MROH9: variants seen among roughly 807,000 people sequenced by gnomAD.
The protein encoded by MROH9 is maestro heat-like repeat-containing protein family member 9.
A neutral mutation model predicts 98.2 loss-of-function variants in MROH9; 92 were observed. That is an observed-to-expected ratio of 0.94 (90% CI 0.79 to 1.11). The LOEUF is 1.11. MROH9 is among the 50% of genes most tolerant of loss of function. MROH9 has a pLI of 0.00. For missense variants in MROH9, 1,057 were observed against 1,014.8 expected (o/e 1.04, Z -0.57); for synonymous variants, 397 against 368.9 (o/e 1.08, Z -0.87).
intron 20 of MROH9, among the ~76,000 whole-genome samples, chr1:171,047,853 G>A (rs922184816): frequency 1.3e-5 from 2 of 152,120 alleles, no homozygotes; most frequent in East Asian, 1.9e-4. Context: ...AACCTAAGTT[G>A]TATCTACTTT....
chr1:170,978,625 T>G (rs897209555), intron 8 of MROH9, among the ~76,000 whole-genome samples: 1 of 152,146 alleles, frequency 6.6e-6, no homozygotes, highest in Admixed American at 6.5e-5. Context: ...ACTACTGCAA[T>G]TGCAGTCGCG....
chr1:170,997,741 C>A (rs188926628), intron 14 of MROH9, among the ~76,000 whole-genome samples: 1 of 152,118 alleles, frequency 6.6e-6, no homozygotes, highest in African/African-American at 2.4e-5. Context: ...TAATCCAGGG[C>A]GGTCCCAAAC....
chr1:171,049,402 A>G (rs1653581959), intron 20 of MROH9, among the ~76,000 whole-genome samples: 1 of 152,162 alleles, frequency 6.6e-6, no homozygotes, highest in African/African-American at 2.4e-5. Flanking sequence ...GTGAGGGAGA[A>G]CACAGCAGTT....
intron 15 of MROH9, among the ~76,000 whole-genome samples, chr1:171,001,870 C>T (rs1338141464): frequency 6.6e-6 from 1 of 151,972 alleles, no homozygotes; most frequent in Non-Finnish European, 1.5e-5. Context: ...GTGTTGCTGT[C>T]TATCTCATAT....
chr1:170,963,919 C>A (rs11484830), intron 6 of MROH9, among the ~76,000 whole-genome samples: 13,372 of 152,020 alleles, frequency 0.088, 1,861 homozygotes, highest in African/African-American at 0.3. Context: ...TATATAAAAA[C>A]CTGCACATGT....
At chr1:171,003,051 C>T (rs1651835173) in intron 15 of MROH9, among the ~76,000 whole-genome samples, 1 of 151,990 alleles carries the variant, frequency 6.6e-6, no homozygotes, top group South Asian at 2.1e-4. Context: ...CTGAGACTTT[C>T]CAGAGCATTT....
chr1:171,020,777 G>A (rs1652490614), intron 17 of MROH9, among the ~76,000 whole-genome samples: 1 of 152,070 alleles, frequency 6.6e-6, no homozygotes, highest in Admixed American at 6.6e-5. Flanking sequence ...AATCAGGCAA[G>A]GGAAAAAAGT....
intron 10 of MROH9, among the ~76,000 whole-genome samples, chr1:170,988,652 C>T (rs1651238774): frequency 6.6e-6 from 1 of 152,202 alleles, no homozygotes; most frequent in Non-Finnish European, 1.5e-5. Flanking sequence ...ACAGTGGATT[C>T]TTGTCTTAGA....
At chr1:170,977,235 G>T (rs1372669444) in intron 8 of MROH9, among the ~76,000 whole-genome samples, 1 of 152,026 alleles carries the variant, frequency 6.6e-6, no homozygotes, top group Admixed American at 6.6e-5. Context: ...TTATATTTCT[G>T]TCATTTCAGT....
Position 171,024,488 on chromosome 1 carries a change from C to G in MROH9, c.2002C>G (p.Leu668Val), listed in dbSNP as rs373208020. ...QYTWMVNDVV[L>V]EGLVPLILFL... is the part of the protein sequence containing the mutation. ...CACATGGATGGTGAATGATGTGGTT[C>G]TAGAAGGCTTGGTGCCCCTAATCCT... The change falls in exon 18 of 22, where the codon CTA becomes GTA. Residue 668 changes from leucine to valine, a missense_variant. By Grantham distance (32) the Leu-to-Val change is conservative. Transcript: ENST00000367759. The G allele has an allele frequency of 6.5e-6, 10 of 1,548,382 alleles. No homozygotes were observed. Among genetic ancestry groups the G allele is most frequent in the Non-Finnish European group, 8.7e-6 (10 of 1,145,964 alleles).
In MROH9 at chr1:170,990,005, T is replaced by A; in HGVS notation, c.1028+2T>A. The A allele has an allele frequency of 6.2e-7, 1 of 1,609,156 alleles. No homozygotes were observed. The highest frequency in any genetic ancestry group is 8.5e-7 in the Non-Finnish European group (1 of 1,176,706). ...GGACTACCCAGTTCCAGCAGACGAG[T>A]AAGGCCCCCCAACCCTCTGTCCCTT... On this transcript the variant is annotated splice_donor_variant, in intron 11 of 21. Coordinates refer to ENST00000367759, the MANE Select transcript of MROH9 (RefSeq NM_001163629.2). LOFTEE classifies it high-confidence loss of function.
intron 20 of MROH9, among the ~76,000 whole-genome samples, chr1:171,030,812 C>T (rs888799730): frequency 6.6e-6 from 1 of 152,130 alleles, no homozygotes; most frequent in Non-Finnish European, 1.5e-5. Flanking sequence ...CCATTTGATC[C>T]AGAGCCGAGT....
intron 7 of MROH9, among the ~76,000 whole-genome samples, chr1:170,970,664 A>G (rs1023066519): frequency 6.6e-6 from 1 of 151,402 alleles, no homozygotes; most frequent in Non-Finnish European, 1.5e-5. Flanking sequence ...CATGACCTAG[A>G]TGACCCAGGT....
intron 6 of MROH9, among the ~76,000 whole-genome samples, chr1:170,964,366 C>G (rs942902592): frequency 6.6e-6 from 1 of 151,988 alleles, no homozygotes; most frequent in East Asian, 1.9e-4. Flanking sequence ...GAGGCTGACC[C>G]CTCTGAGATT....
intron 20 of MROH9, among the ~76,000 whole-genome samples, chr1:171,037,936 A>G (rs1653160742): frequency 1.3e-5 from 2 of 152,122 alleles, no homozygotes; most frequent in East Asian, 1.9e-4. Context: ...AACAAAATCC[A>G]GATGGTCACA....
chr1:170,983,380 T>C, intron 8 of MROH9, 42 bp from the exon 9 acceptor site: 1 of 1,379,520 alleles, frequency 7.2e-7, no homozygotes. Flanking sequence ...AACAAACAAG[T>C]GATCAAATAA....
intron 20 of MROH9, among the ~76,000 whole-genome samples, chr1:171,060,633 C>T (rs753644542): frequency 6.6e-6 from 1 of 151,940 alleles, no homozygotes. Context: ...GTGACACTGC[C>T]GAACAGTAAG....
At chr1:171,012,565 C>T (rs967950730) in intron 15 of MROH9, among the ~76,000 whole-genome samples, 7 of 144,336 alleles carry the variant, frequency 4.8e-5, no homozygotes, top group South Asian at 2.2e-4. Context: ...TGCAGTGGCT[C>T]GATCTCGGCT....
chr1:171,046,053 T>C (rs1008875089), intron 20 of MROH9, among the ~76,000 whole-genome samples: 4 of 152,214 alleles, frequency 2.6e-5, no homozygotes, highest in Admixed American at 2.6e-4. Flanking sequence ...AGTGACCTTC[T>C]TTGTCCTTCC....
Sources: allele counts gnomAD v4.1 joint callset (sites outside exome capture counted in the v4.1 genomes callset), GRCh38; gene constraint gnomAD v4.1.1; transcripts MANE v1.5; gene names NCBI Gene and HGNC (gene_info 2026-07-23, HGNC 2026-07-21).